Variants in PHACTR1 observed in about 807,000 individuals in gnomAD.
PHACTR1 encodes phosphatase and actin regulator 1.
PHACTR1 carries 16 observed loss-of-function variants against 69.2 expected under a neutral mutation model. The observed-to-expected ratio is 0.23, with a 90% CI of 0.16 to 0.35. PHACTR1 has a LOEUF of 0.35. Among genes scored for constraint, PHACTR1 ranks in the 10% least tolerant of loss-of-function variants. The pLI, the probability that PHACTR1 is intolerant of heterozygous loss-of-function variation, is 1.00. For synonymous variants in PHACTR1, 312 were observed against 284.5 expected (o/e 1.10, Z -0.97); for missense variants, 510 against 734.7 (o/e 0.69, Z 3.54).
At chr6:13,101,835 T>C (rs1428919389) in intron 5 of PHACTR1, among the ~76,000 whole-genome samples, 1 of 152,198 alleles carries the variant, frequency 6.6e-6, no homozygotes, top group Non-Finnish European at 1.5e-5. Flanking sequence ...TACGTCTCAG[T>C]GGTGCTGCTC....
chr6:13,015,871 T>G (rs1333768473), intron 4 of PHACTR1, among the ~76,000 whole-genome samples: 1 of 152,238 alleles, frequency 6.6e-6, no homozygotes, highest in Non-Finnish European at 1.5e-5. Flanking sequence ...ATAGGATTAT[T>G]TACCCTCAAA....
intron 4 of PHACTR1, among the ~76,000 whole-genome samples, chr6:12,961,954 G>T (rs535990711): frequency 6.6e-6 from 1 of 152,128 alleles, no homozygotes; most frequent in East Asian, 1.9e-4. Context: ...TTTGAGTCAG[G>T]ATCTGTCTCT....
At chr6:12,917,487 T>C (rs372569263) in intron 4 of PHACTR1, among the ~76,000 whole-genome samples, 1 of 152,256 alleles carries the variant, frequency 6.6e-6, no homozygotes, top group East Asian at 1.9e-4. Context: ...GCGCAGTGGC[T>C]CACACCTATA....
intron 10 of PHACTR1, chr6:13,272,506 C>T: frequency 2.7e-6 from 1 of 374,862 alleles, no homozygotes. Context: ...GGCAAGAGGC[C>T]ACAGTCCCCA....
chr6:12,727,292 C>G (rs1256087252), intron 3 of PHACTR1, among the ~76,000 whole-genome samples: 1 of 152,218 alleles, frequency 6.6e-6, no homozygotes, highest in Non-Finnish European at 1.5e-5. Context: ...TCAACTCCAA[C>G]AGATACATAG....
In PHACTR1 at chr6:13,278,572, G is replaced by C. The variant is rs150398824; in HGVS notation, c.1509+243G>C. 2.3e-3 allele frequency among the ~76,000 whole-genome samples: 346 copies of C among 152,276 alleles called. 4 individuals are homozygous for C. The highest frequency in any genetic ancestry group is 0.014 in the Admixed American group (221 of 15,300). ...CCACCTACTTCCTAACAACTCGATGGCTATTGCGTTGTATTTTTGATTATA... is the reference window on the plus strand; with the variant it reads ...CCACCTACTTCCTAACAACTCGATGCCTATTGCGTTGTATTTTTGATTATA... On this transcript the variant is annotated intron_variant, in intron 12 of 14. Coordinates refer to ENST00000332995, the MANE Select transcript of PHACTR1 (RefSeq NM_030948.6).
chr6:12,901,209 C>G (rs9369640), intron 4 of PHACTR1, among the ~76,000 whole-genome samples: 1 of 151,886 alleles, frequency 6.6e-6, no homozygotes, highest in East Asian at 1.9e-4. Flanking sequence ...TTTTCTGCTT[C>G]TAACAGTGAT....
chr6:13,053,394 C>T lies in PHACTR1; in HGVS notation c.280C>T (p.Arg94Cys), dbSNP rs756682776. Residue 94 changes from arginine to cysteine, a missense_variant, in exon 5 of 15, where the codon CGT becomes TGT. Physicochemically the swap from Arg to Cys is radical, Grantham distance 180. Around this residue, in one of 2 missense-constraint regions of PHACTR1, gnomAD observed 419 missense variants for 530.9 expected, o/e 0.79. Transcript: ENST00000332995. ...GGAAGTGGAGAGGCTGGCGGCGATG[C>T]GTTCTGACTCCCTCGTCCCAGGCAC... ...AEEVERLAAM[R>C]SDSLVPGTHT... 8 of 1,610,834 alleles carry T rather than the reference C, an allele frequency of 5.0e-6. No homozygotes were observed. The highest frequency in any genetic ancestry group is 1.1e-5 in the South Asian group (1 of 90,566).
At chr6:12,915,940 A>T (rs1314840258) in intron 4 of PHACTR1, among the ~76,000 whole-genome samples, 1 of 152,150 alleles carries the variant, frequency 6.6e-6, no homozygotes, top group Non-Finnish European at 1.5e-5. Flanking sequence ...CTAAAATAAC[A>T]AAATTATCTT....
chr6:13,154,529 A>G (rs937365715), intron 5 of PHACTR1, among the ~76,000 whole-genome samples: 11 of 152,212 alleles, frequency 7.2e-5, no homozygotes, highest in Admixed American at 2.0e-4. Context: ...CTTGTTTTAA[A>G]ATAAGTCCTT....
intron 5 of PHACTR1, among the ~76,000 whole-genome samples, chr6:13,059,153 G>A (rs1450505665): frequency 6.6e-6 from 1 of 152,088 alleles, no homozygotes; most frequent in Non-Finnish European, 1.5e-5. Context: ...TAAAAAAGAA[G>A]GAAATCCTAC....
At chr6:12,930,779 A>G (rs779467929) in intron 4 of PHACTR1, among the ~76,000 whole-genome samples, 53 of 152,250 alleles carry the variant, frequency 3.5e-4, no homozygotes, top group Non-Finnish European at 6.3e-4. Context: ...AGCCGGGCAC[A>G]GTGGCTCATG....
intron 6 of PHACTR1, among the ~76,000 whole-genome samples, chr6:13,170,462 G>A (rs936392089): frequency 2.6e-5 from 4 of 152,024 alleles, no homozygotes; most frequent in African/African-American, 4.8e-5. Flanking sequence ...ACATGTCCCC[G>A]GCCTTCCAAT....
intron 7 of PHACTR1, among the ~76,000 whole-genome samples, chr6:13,201,050 C>A (rs939542156): frequency 5.9e-5 from 9 of 152,132 alleles, no homozygotes; most frequent in Non-Finnish European, 1.0e-4. Flanking sequence ...TTCTGATGCA[C>A]CCCCAGTCCT....
intron 3 of PHACTR1, among the ~76,000 whole-genome samples, chr6:12,736,000 T>C (rs1269548579): frequency 6.6e-6 from 1 of 152,170 alleles, no homozygotes; most frequent in Non-Finnish European, 1.5e-5. Context: ...CAGAACTTTG[T>C]GTAGTGGACA....
In PHACTR1 at chr6:13,073,874, CT is replaced by C. The variant is rs539046328; in HGVS notation, c.415+20359del. Among the ~76,000 whole-genome samples the C allele has an allele frequency of 8.3e-3, 1,170 of 141,034 alleles. 9 individuals are homozygous for C. The highest frequency in any genetic ancestry group is 0.023 in the African/African-American group (911 of 38,818). 92.5% of individuals were successfully genotyped at this position (141,034 alleles called of 152,430 possible). On this transcript the variant is annotated intron_variant, in intron 5 of 14. Coordinates refer to ENST00000332995, the MANE Select transcript of PHACTR1 (RefSeq NM_030948.6). ...GTAGTAGAGTTCATATTTTCTTTTT[CT>C]TTTTTTTTTTTTTCTGAGATGGAGT...
chr6:12,769,862 C>A (rs1022638491), intron 4 of PHACTR1, among the ~76,000 whole-genome samples: 1 of 152,192 alleles, frequency 6.6e-6, no homozygotes, highest in African/African-American at 2.4e-5. Flanking sequence ...TCTCTTTAAC[C>A]CCCCAAGTCG....
intron 4 of PHACTR1, among the ~76,000 whole-genome samples, chr6:12,846,547 T>C (rs540459026): frequency 6.6e-6 from 1 of 152,324 alleles, no homozygotes; most frequent in East Asian, 1.9e-4. Context: ...GCACTGATGT[T>C]ACTTACAAAC....
intron 6 of PHACTR1, among the ~76,000 whole-genome samples, chr6:13,164,268 G>T (rs147432105): frequency 6.6e-6 from 1 of 152,222 alleles, no homozygotes; most frequent in Admixed American, 6.5e-5. Flanking sequence ...TTTTATTGCC[G>T]CAACCTGATG....
Sources: gnomAD v4.1 joint callset for allele counts (sites outside exome capture counted in the v4.1 genomes callset) on GRCh38, gnomAD v4.1.1 for gene constraint, gnomAD v4.1.1 regional missense constraint, MANE v1.5 for transcripts, NCBI Gene and HGNC (gene_info 2026-07-23, HGNC 2026-07-21) for gene names.